The following SCUBE1 variants were observed in gnomAD, a reference collection of about 807,000 sequenced individuals.
SCUBE1 encodes the protein signal peptide, CUB and EGF-like domain-containing protein 1.
SCUBE1 carries 59 observed loss-of-function variants against 124.4 expected under a neutral mutation model. The observed-to-expected ratio is 0.47, with a 90% CI of 0.38 to 0.59. SCUBE1 has a LOEUF of 0.59. Among genes scored for constraint, SCUBE1 ranks in the 20% least tolerant of loss-of-function variants. SCUBE1 has a pLI of 0.00. For missense variants in SCUBE1, 1,150 were observed against 1,371.2 expected (o/e 0.84, Z 2.55); for synonymous variants, 545 against 550.9 (o/e 0.99, Z 0.15).
intron 3 of SCUBE1, among the ~76,000 whole-genome samples, chr22:43,309,344 C>T (rs767910473): frequency 1.2e-4 from 18 of 152,108 alleles, no homozygotes; most frequent in Non-Finnish European, 2.4e-4. Context: ...TACACAGAGG[C>T]CCAGAGAAGC....
At chr22:43,274,579 G>A (rs1406269909) in intron 4 of SCUBE1, among the ~76,000 whole-genome samples, 5 of 152,332 alleles carry the variant, frequency 3.3e-5, no homozygotes, top group Non-Finnish European at 7.4e-5. Context: ...GATGGAGGGC[G>A]CCCAGGCATG....
intron 4 of SCUBE1, among the ~76,000 whole-genome samples, chr22:43,272,722 A>G (rs1924340362): frequency 6.6e-6 from 1 of 152,238 alleles, no homozygotes; most frequent in Non-Finnish European, 1.5e-5. Flanking sequence ...GGGCACGGAC[A>G]TGGGCCACAG....
At chr22:43,205,662 CCA>C (rs1190685611) in intron 21 of SCUBE1, among the ~76,000 whole-genome samples, 2 of 135,858 alleles carry the variant, frequency 1.5e-5, no homozygotes, top group Admixed American at 7.2e-5. Context: ...CCCACACACA[CCA>C]CACACCCACT....
At chr22:43,228,711 C>A (rs1386201148) in intron 9 of SCUBE1, among the ~76,000 whole-genome samples, 1 of 152,098 alleles carries the variant, frequency 6.6e-6, no homozygotes, top group Non-Finnish European at 1.5e-5. Context: ...CTCTACTCTG[C>A]CCCTCTCTGC....
chr22:43,250,595 G>A (rs1923401745), intron 6 of SCUBE1, among the ~76,000 whole-genome samples: 3 of 152,210 alleles, frequency 2.0e-5, no homozygotes, highest in South Asian at 2.1e-4. Context: ...CAGCCTCAGG[G>A]GTGCGGGGAG....
In SCUBE1 at chr22:43,309,290, C is replaced by T. The variant is rs574922241; in HGVS notation, c.349+10647G>A. Among the ~76,000 whole-genome samples the T allele has an allele frequency of 3.0e-4, 46 of 152,340 alleles. 3 individuals are homozygous for T. The South Asian group carries it at 9.5e-3, about 32-fold the overall frequency. On this transcript the variant is annotated intron_variant, in intron 3 of 21. Coordinates refer to ENST00000360835, the MANE Select transcript of SCUBE1 (RefSeq NM_173050.5). ...CTCATCTCGTTGGCCTCTGCATCATCTCTGTCAAATAAGCACTGTTACCAG... is the reference window on the plus strand; with the variant it reads ...CTCATCTCGTTGGCCTCTGCATCATTTCTGTCAAATAAGCACTGTTACCAG...
In SCUBE1 at chr22:43,222,672, G is replaced by T; in HGVS notation, c.1398C>A (p.Asn466Lys). 1 of 1,602,826 alleles carries T rather than the reference G, an allele frequency of 6.2e-7. No individual in the cohort carries two copies. The highest frequency in any genetic ancestry group is 8.5e-7 in the Non-Finnish European group (1 of 1,175,492). ...GPQGKALQKR[N>K]GTSSGLGPSC... ...TGGGCCCGAGGCCAGAGCTGGTGCCGTTGCGTTTCTGCAGCGCCTTGCCCT... is the reference window on the plus strand; with the variant it reads ...TGGGCCCGAGGCCAGAGCTGGTGCCTTTGCGTTTCTGCAGCGCCTTGCCCT... The change falls in exon 12 of 22, where the codon AAC becomes AAA. Residue 466 changes from asparagine (N) to lysine (K), a missense_variant. This residue lies in a region of SCUBE1 where 757 missense variants were observed against 840.9 expected (regional missense o/e 0.90). Transcript: ENST00000360835.
chr22:43,208,000 G>T (rs1237332038), intron 20 of SCUBE1, 72 bp downstream of exon 20: 2 of 1,550,190 alleles, frequency 1.3e-6, no homozygotes, highest in African/African-American at 2.7e-5. Flanking sequence ...GCGGGGACGT[G>T]CGACTCATCT....
Position 43,199,667 on chromosome 22 carries a change from G to A in SCUBE1, c.*4330C>T, listed in dbSNP as rs771604836. 1.8e-4 allele frequency: 27 copies of A among 152,162 alleles called. 1 individual carries two copies. The highest frequency in any genetic ancestry group is 3.5e-4 in the Non-Finnish European group (24 of 68,258). The allele number at this position is 152,162 out of a possible 1,614,324, so 9.4% of individuals were successfully genotyped here. On this transcript the variant is annotated 3_prime_UTR_variant, in exon 22 of 22. Coordinates refer to ENST00000360835, the MANE Select transcript of SCUBE1 (RefSeq NM_173050.5). ...CACACTGTACCCTTGGGGATCCAGC[G>A]TTTCGGAAACTGGTCATCGCCTTGC...
rs141002420 is a variant in SCUBE1, at chr22:43,260,290, C to T, written c.611-1955G>A. On this transcript the variant is annotated intron_variant, in intron 5 of 21. Transcript: ENST00000360835. Reference sequence around the variant, plus strand: ...TCCACATAGTCATTTGTGCGTCTCACAGACCCCCAAAGGTCGAGCCTTCGA... The same window carrying T: ...TCCACATAGTCATTTGTGCGTCTCATAGACCCCCAAAGGTCGAGCCTTCGA... Among the ~76,000 whole-genome samples, 682 of 152,354 alleles carry T rather than the reference C, an allele frequency of 4.5e-3. 13 individuals carry two copies. The highest frequency in any genetic ancestry group is 0.016 in the African/African-American group (668 of 41,578).
chr22:43,277,187 T>C (rs1374781867), intron 4 of SCUBE1, among the ~76,000 whole-genome samples: 4 of 151,882 alleles, frequency 2.6e-5, no homozygotes, highest in East Asian at 3.9e-4. Context: ...TGAGCGGGAG[T>C]TCCAGACAGA....
chr22:43,218,168 T>C, intron 15 of SCUBE1, 87 bp downstream of exon 15: 1 of 1,308,180 alleles, frequency 7.6e-7, no homozygotes, highest in Admixed American at 1.7e-5. Context: ...GGTGTCTGTC[T>C]CACCTGCGTG....
Position 43,339,241 on chromosome 22 carries a change from G to T in SCUBE1, c.89-6C>A, listed in dbSNP as rs1268018214. On this transcript the variant is annotated splice_region_variant and splice_polypyrimidine_tract_variant and intron_variant, in intron 1 of 21. Coordinates refer to ENST00000360835, the MANE Select transcript of SCUBE1 (RefSeq NM_173050.5). The stretch of plus-strand genomic sequence containing the variant: ...CTCATCCACGTCGACTGACCCTGTG[G>T]GTAGGGGTGTGGGGGGAATAAGAGG... The T allele has an allele frequency of 6.2e-7, 1 of 1,613,040 alleles. No individual in the cohort carries two copies. Among genetic ancestry groups the T allele is most frequent in the Admixed American group, 1.7e-5 (1 of 59,978 alleles).
rs1395005862 is a variant in SCUBE1, at chr22:43,202,136, G to A, written c.*1861C>T. On this transcript the variant is annotated 3_prime_UTR_variant, in exon 22 of 22. Coordinates refer to ENST00000360835, the MANE Select transcript of SCUBE1 (RefSeq NM_173050.5). ...CCACGCCGCGGAGCCCGCTACTGTG[G>A]GCACATGTGACGGCGTGAGTAATTG... 1 of 152,266 alleles carries A rather than the reference G, an allele frequency of 6.6e-6. No individual in the cohort carries two copies. Among genetic ancestry groups the A allele is most frequent in the East Asian group, 1.9e-4 (1 of 5,190 alleles). The allele number at this position is 152,266 out of a possible 1,614,324, so 9.4% of individuals were successfully genotyped here.
chr22:43,211,263 C>A lies in SCUBE1; in HGVS notation c.2222-180G>T, dbSNP rs574971008. On this transcript the variant is annotated intron_variant, in intron 17 of 21. Coordinates refer to ENST00000360835, the MANE Select transcript of SCUBE1 (RefSeq NM_173050.5). This position sits in a 1 kb window ranked among gnomAD's most constrained non-coding sequence, Gnocchi z 4.5. ...TCACTCCGCCATGGCCAGGAAGAGCCCTTGGCGTGGGGGTCACATGGCAGA... is the reference window on the plus strand; with the variant it reads ...TCACTCCGCCATGGCCAGGAAGAGCACTTGGCGTGGGGGTCACATGGCAGA... Among the ~76,000 whole-genome samples, 2 of 152,266 alleles carry A rather than the reference C, an allele frequency of 1.3e-5. No homozygotes were observed. Among genetic ancestry groups the A allele is most frequent in the Admixed American group, 1.3e-4 (2 of 15,296 alleles).
At chr22:43,204,482 A>G (rs73163941) in intron 21 of SCUBE1, among the ~76,000 whole-genome samples, 25,891 of 151,568 alleles carry the variant, frequency 0.17, 2,397 homozygotes, top group African/African-American at 0.24. Flanking sequence ...TCTTTTCAGT[A>G]GAGACGCATT....
At position 43,198,131 on chromosome 22, in the gene SCUBE1, A is replaced by AC. The variant is rs1920954657; in HGVS notation, c.*5865_*5866insG. On this transcript the variant is annotated 3_prime_UTR_variant, in exon 22 of 22. Transcript: ENST00000360835. ...GAATGGTCTTAACCCCACCATCTACATGGGGCTGGGGGGATGGAATGTGTG... is the reference window on the plus strand; with the variant it reads ...GAATGGTCTTAACCCCACCATCTACACTGGGGCTGGGGGGATGGAATGTGTG... 3.6e-5 allele frequency: 7 copies of AC among 192,138 alleles called. No individual in the cohort carries two copies. Among genetic ancestry groups the AC allele is most frequent in the African/African-American group, 1.6e-4 (7 of 42,610 alleles). The allele number at this position is 192,138 out of a possible 1,614,324, so 11.9% of individuals were successfully genotyped here.
At position 43,203,753 on chromosome 22, in the gene SCUBE1, G is replaced by A. The variant is rs1428648140; in HGVS notation, c.*244C>T. The A allele has an allele frequency of 1.6e-5, 8 of 499,786 alleles. No individual in the cohort carries two copies. The highest frequency in any genetic ancestry group is 3.6e-5 in the East Asian group (1 of 28,026). 31.0% of individuals were successfully genotyped at this position (499,786 alleles called of 1,614,324 possible). On this transcript the variant is annotated 3_prime_UTR_variant, in exon 22 of 22. Coordinates refer to ENST00000360835, the MANE Select transcript of SCUBE1 (RefSeq NM_173050.5). ...GGTCTGCCAGGGCTCAGGAGAGGGC[G>A]CTCTTGGTGTCCTGGGGAAGGGAGG...
At chr22:43,205,993 A>C (rs1601791292) in intron 21 of SCUBE1, among the ~76,000 whole-genome samples, 1 of 61,322 alleles carries the variant, frequency 1.6e-5, no homozygotes, top group South Asian at 6.1e-4. Flanking sequence ...CTCCACCCCC[A>C]CTCATCACAC....
Sources: allele counts gnomAD v4.1 joint callset (sites outside exome capture counted in the v4.1 genomes callset), GRCh38; gene constraint gnomAD v4.1.1; regional missense constraint gnomAD v4.1.1; non-coding constraint Gnocchi (gnomAD v3.1); transcripts MANE v1.5; gene names NCBI Gene and HGNC (gene_info 2026-07-23, HGNC 2026-07-21).